ZNF75A: variants seen among roughly 807,000 people sequenced by gnomAD.
ZNF75A encodes zinc finger protein 75A.
A neutral mutation model predicts 46.3 loss-of-function variants in ZNF75A; 36 were observed. The observed-to-expected ratio is 0.78, with a 90% CI of 0.60 to 1.03. The LOEUF (loss-of-function observed/expected upper bound fraction) is 1.03, where lower values mean the gene tolerates loss of function less well. Ranked by LOEUF, ZNF75A falls within the 50% of genes least tolerant of loss-of-function variation. The pLI, the probability that ZNF75A is intolerant of heterozygous loss-of-function variation, is 0.00. For missense variants in ZNF75A, 595 were observed against 551.3 expected, an observed-to-expected ratio of 1.08 and a Z score of -0.79; for synonymous variants, 234 against 189.9, an observed-to-expected ratio of 1.23 and a Z score of -1.91.
rs1961406073 is a variant in ZNF75A, at chr16:3,318,720, A to T, written c.*851A>T. ...AATTGGCTTTTCTTTGTTGTTAAGA[A>T]TGAGAGACTTAATTTCCATGGGAGT... On this transcript the variant is annotated 3_prime_UTR_variant, in exon 7 of 7. Transcript: ENST00000669516. The T allele has an allele frequency of 1.0e-6, 1 of 985,318 alleles. No homozygotes were observed. Among genetic ancestry groups the T allele is most frequent in the Admixed American group, 6.2e-5 (1 of 16,256 alleles). 61.0% of individuals were successfully genotyped at this position (985,318 alleles called of 1,614,324 possible).
At chr16:3,322,947 G>A (rs543753567), downstream of ZNF75A, 28 of 985,074 alleles carry the variant, frequency 2.8e-5, 3 homozygotes, top group Admixed American at 9.8e-4. Flanking sequence ...GACTACTTCC[G>A]CCGACAAGGA....
At chr16:3,309,751 C>CAAA (rs766446616) in intron 2 of ZNF75A, among the ~76,000 whole-genome samples, 1 of 55,642 alleles carries the variant, frequency 1.8e-5, no homozygotes, top group Admixed American at 2.1e-4. Context: ...GAGAACCTGT[C>CAAA]AAAAAAAAAA....
In ZNF75A at chr16:3,317,740, C is replaced by T. The variant is rs1238539758; in HGVS notation, c.1485C>T (p.Phe495=). ...CATGTCATGAATGTGGAAAAAAATT[C>T]AGTCAGAACTCCCACCTTATTAAAC... ...PFTCHECGKK[F]SQNSHLIKHR... is the part of the protein sequence containing the mutation. Residue 495 remains phenylalanine, a synonymous_variant, in exon 7 of 7, where the codon TTC becomes TTT. Transcript: ENST00000669516. 6.2e-7 allele frequency: 1 copy of T among 1,614,144 alleles called. No homozygotes were observed. Among genetic ancestry groups the T allele is most frequent in the South Asian group, 1.1e-5 (1 of 91,074 alleles).
At chr16:3,315,011 G>A (rs1046147830) in intron 5 of ZNF75A, 1 of 984,918 alleles carries the variant, frequency 1.0e-6, no homozygotes, top group Admixed American at 6.2e-5. Context: ...GGGTGTAGGT[G>A]GTGTATCCAG....
downstream of ZNF75A, among the ~76,000 whole-genome samples, chr16:3,319,797 A>ATTTT (rs550277242): frequency 7.5e-6 from 1 of 133,350 alleles, no homozygotes. Flanking sequence ...TTTTTTTTTT[A>ATTTT]TTTTTTTTTT....
chr16:3,319,228 C>T (rs143419948), downstream of ZNF75A, among the ~76,000 whole-genome samples: 367 of 152,320 alleles, frequency 2.4e-3, 1 homozygote, highest in Non-Finnish European at 3.1e-3. Context: ...ATTCTTCTGC[C>T]TCAGCCTCCA....
At chr16:3,316,162 GT>G (rs2150826204) in intron 5 of ZNF75A, 2 of 152,214 alleles carry the variant, frequency 1.3e-5, no homozygotes, top group South Asian at 2.1e-4. Context: ...ACATTATTTT[GT>G]TTATTGATTG....
In ZNF75A at chr16:3,318,046, G is replaced by C. The variant is rs1259834403; in HGVS notation, c.*177G>C. Reference sequence around the variant, plus strand: ...CTCTGCAGCCACTCAGTAGTCTTCTGTGGTCACAGAAGTAAACATTGTTGG... The same window carrying C: ...CTCTGCAGCCACTCAGTAGTCTTCTCTGGTCACAGAAGTAAACATTGTTGG... On this transcript the variant is annotated 3_prime_UTR_variant, in exon 7 of 7. Coordinates refer to ENST00000669516, the MANE Select transcript of ZNF75A (RefSeq NM_001302109.2). The C allele has an allele frequency of 1.4e-6, 2 of 1,397,378 alleles. No homozygotes were observed. The highest frequency in any genetic ancestry group is 1.4e-5 in the African/African-American group (1 of 69,046). 86.6% of individuals were successfully genotyped at this position (1,397,378 alleles called of 1,614,324 possible).
chr16:3,308,825 A>AGAAAGATTC lies in ZNF75A; in HGVS notation c.397_398insGAAAGATTC (p.Thr133delinsArgLysIlePro). On this transcript the variant is annotated protein_altering_variant, in exon 2 of 7. Transcript: ENST00000669516. ...ACACTTGCAGAGGGAATCTGGTCAAACATGGAATGGGGTGAGAAGAAAGAT... is the reference window on the plus strand; with the variant it reads ...ACACTTGCAGAGGGAATCTGGTCAAAGAAAGATTCCATGGAATGGGGTGAGAAGAAAGAT... 2 of 985,838 alleles carry AGAAAGATTC rather than the reference A, an allele frequency of 2.0e-6. No individual in the cohort carries two copies. The highest frequency in any genetic ancestry group is 2.4e-6 in the Non-Finnish European group (2 of 830,018). 61.1% of individuals were successfully genotyped at this position (985,838 alleles called of 1,614,324 possible). A position where few individuals can be genotyped will look rare whatever the true frequency, so the allele number is the denominator to read the frequency against.
At chr16:3,321,500 A>G (rs529047558), downstream of ZNF75A, among the ~76,000 whole-genome samples, 65 of 152,182 alleles carry the variant, frequency 4.3e-4, no homozygotes, top group Non-Finnish European at 7.8e-4. Context: ...GATATATTTT[A>G]TTTTTGAGAC....
At chr16:3,319,047 G>A (rs771155623), downstream of ZNF75A, among the ~76,000 whole-genome samples, 7 of 152,146 alleles carry the variant, frequency 4.6e-5, no homozygotes, top group Admixed American at 2.6e-4. Flanking sequence ...AGTGACTCAG[G>A]TGCATTCCTT....
chr16:3,322,869 C>T (rs888363175), downstream of ZNF75A: 3 of 983,952 alleles, frequency 3.0e-6, no homozygotes, highest in African/African-American at 5.2e-5. Flanking sequence ...CTTAGGAAGC[C>T]TTGTACAAAT....
At chr16:3,314,817 G>C in intron 5 of ZNF75A, 12 of 985,414 alleles carry the variant, frequency 1.2e-5, no homozygotes, top group Non-Finnish European at 1.4e-5. Flanking sequence ...ATTACACTCA[G>C]AAGGCCCTCT....
At chr16:3,312,381 G>A (rs1273184333) in intron 3 of ZNF75A, 1 of 152,146 alleles carries the variant, frequency 6.6e-6, no homozygotes, top group African/African-American at 2.4e-5. Context: ...GAGTCCCTGA[G>A]TACTTCATTT....
chr16:3,318,678 T>C lies in ZNF75A; in HGVS notation c.*809T>C. 1.0e-6 allele frequency: 1 copy of C among 985,420 alleles called. No individual in the cohort carries two copies. Among genetic ancestry groups the C allele is most frequent in the Non-Finnish European group, 1.2e-6 (1 of 829,926 alleles). 61.0% of individuals were successfully genotyped at this position (985,420 alleles called of 1,614,324 possible). On this transcript the variant is annotated 3_prime_UTR_variant, in exon 7 of 7. Transcript: ENST00000669516. The stretch of plus-strand genomic sequence containing the variant: ...GGGAATTAAGATCAACTTCTCAGTT[T>C]TGTTTGTTTACTTTTTAATTGGCTT...
intron 3 of ZNF75A, chr16:3,312,323 G>A (rs17684522): frequency 0.19 from 29,230 of 152,116 alleles, 3,620 homozygotes; most frequent in Admixed American, 0.28. Flanking sequence ...TTGTGTACCA[G>A]GAAAAACATA....
At chr16:3,310,642 A>G (rs538648922) in intron 2 of ZNF75A, 3 of 982,620 alleles carry the variant, frequency 3.1e-6, no homozygotes, top group Non-Finnish European at 3.6e-6. Context: ...AAAACAAACA[A>G]ACAAAAAAAA....
chr16:3,311,429 A>G (rs939756510), intron 2 of ZNF75A, among the ~76,000 whole-genome samples: 6 of 145,088 alleles, frequency 4.1e-5, no homozygotes, highest in African/African-American at 1.6e-4. Context: ...CAAGAGCAAA[A>G]CTCATCTCAA....
chr16:3,321,377 G>T (rs1350823262), downstream of ZNF75A, among the ~76,000 whole-genome samples: 1 of 152,188 alleles, frequency 6.6e-6, no homozygotes, highest in Non-Finnish European at 1.5e-5. Flanking sequence ...ACCCCGTCTA[G>T]TCTCCTGACC....
Sources: gnomAD v4.1 joint callset for allele counts (sites outside exome capture counted in the v4.1 genomes callset) on GRCh38, gnomAD v4.1.1 for gene constraint, MANE v1.5 for transcripts, NCBI Gene and HGNC (gene_info 2026-07-23, HGNC 2026-07-21) for gene names.